ELMO1: variants seen among roughly 807,000 people sequenced by gnomAD.
ELMO1 encodes the protein engulfment and cell motility 1.
ELMO1 carries 26 observed loss-of-function variants against 98.9 expected under a neutral mutation model. The observed-to-expected ratio is 0.26, with a 90% CI of 0.19 to 0.36. The LOEUF is 0.36. Ranked by LOEUF, ELMO1 falls within the 10% of genes least tolerant of loss-of-function variation. The pLI is 1.00. For missense variants in ELMO1, 627 were observed against 935.2 expected (o/e 0.67, Z 4.30); for synonymous variants, 346 against 346.0 (o/e 1.00, Z 0.00).
At chr7:36,960,492 A>C (rs1297505042) in intron 16 of ELMO1, among the ~76,000 whole-genome samples, 1 of 152,044 alleles carries the variant, frequency 6.6e-6, no homozygotes, top group African/African-American at 2.4e-5. Flanking sequence ...CTGTTTCTGA[A>C]ATGCTCTTCC....
intron 1 of ELMO1, among the ~76,000 whole-genome samples, chr7:37,374,067 C>A (rs1057250097): frequency 6.6e-6 from 1 of 152,198 alleles, no homozygotes; most frequent in Non-Finnish European, 1.5e-5. Context: ...AGAGAGCTAA[C>A]GTGGCTGTGG....
At chr7:36,972,710 C>A (rs1790076385) in intron 16 of ELMO1, among the ~76,000 whole-genome samples, 1 of 152,178 alleles carries the variant, frequency 6.6e-6, no homozygotes, top group Non-Finnish European at 1.5e-5. Context: ...CTCTGTAAGA[C>A]CCTATCTCCA....
intron 13 of ELMO1, among the ~76,000 whole-genome samples, chr7:37,163,480 C>T (rs1459183816): frequency 3.9e-5 from 6 of 152,056 alleles, no homozygotes; most frequent in Non-Finnish European, 7.4e-5. Flanking sequence ...TCTCCCAATG[C>T]TATCCCTCCC....
At chr7:37,253,502 T>C (rs1277554392) in intron 6 of ELMO1, among the ~76,000 whole-genome samples, 1 of 152,134 alleles carries the variant, frequency 6.6e-6, no homozygotes, top group Admixed American at 6.5e-5. Context: ...CCGCATGTTC[T>C]CACTTGTAAG....
chr7:36,879,821 C>T lies in ELMO1; in HGVS notation c.1715-1704G>A, dbSNP rs530827785. On this transcript the variant is annotated intron_variant, in intron 18 of 21. Transcript: ENST00000310758. Reference sequence around the variant, plus strand: ...AAAATTATGCTATGTATATACCAAACATGGGTCATTTTTCTGGGAGAGCAT... The same window carrying T: ...AAAATTATGCTATGTATATACCAAATATGGGTCATTTTTCTGGGAGAGCAT... Among the ~76,000 whole-genome samples the T allele has an allele frequency of 4.6e-5, 7 of 152,338 alleles. No individual in the cohort carries two copies. The South Asian group carries it at 1.4e-3, about 32-fold the overall frequency.
At chr7:37,099,569 C>T (rs746548036) in intron 14 of ELMO1, among the ~76,000 whole-genome samples, 2 of 152,140 alleles carry the variant, frequency 1.3e-5, no homozygotes, top group Non-Finnish European at 2.9e-5. Flanking sequence ...TATTACCACT[C>T]ATCTTAGAAT....
Position 37,312,199 on chromosome 7 carries a change from A to G in ELMO1, c.192+2651T>C, listed in dbSNP as rs370370545. Among the ~76,000 whole-genome samples, 384 of 152,090 alleles carry G rather than the reference A, an allele frequency of 2.5e-3. 2 individuals carry two copies. The highest frequency in any genetic ancestry group is 6.8e-3 in the Middle Eastern group (2 of 292). On this transcript the variant is annotated intron_variant, in intron 4 of 21. Coordinates refer to ENST00000310758, the MANE Select transcript of ELMO1 (RefSeq NM_014800.11). ...CCTCCACATCCCAGGTTCAAGTGAT[A>G]CTCCTGCCTCAGCCTCCTGAGTGGG...
At chr7:37,272,714 A>C (rs1287316765) in intron 4 of ELMO1, among the ~76,000 whole-genome samples, 1 of 152,130 alleles carries the variant, frequency 6.6e-6, no homozygotes, top group African/African-American at 2.4e-5. Flanking sequence ...GTACCAATAC[A>C]TGCTATAACA....
intron 13 of ELMO1, among the ~76,000 whole-genome samples, chr7:37,135,732 C>T (rs1443231169): frequency 6.6e-6 from 1 of 152,154 alleles, no homozygotes; most frequent in Non-Finnish European, 1.5e-5. Flanking sequence ...AACAGTAGTC[C>T]TTGAGTCTCA....
chr7:36,940,813 A>G (rs1229396407), intron 16 of ELMO1, among the ~76,000 whole-genome samples: 1 of 152,232 alleles, frequency 6.6e-6, no homozygotes, highest in Non-Finnish European at 1.5e-5. Context: ...CTACAACAAG[A>G]GTTTCTTCAT....
At chr7:36,894,553 A>G (rs1327278207) in intron 17 of ELMO1, among the ~76,000 whole-genome samples, 2 of 152,196 alleles carry the variant, frequency 1.3e-5, no homozygotes, top group African/African-American at 4.8e-5. Flanking sequence ...GAGAAAAAAA[A>G]TTGTTCCAAG....
At chr7:37,284,417 A>G (rs1171780789) in intron 4 of ELMO1, among the ~76,000 whole-genome samples, 1 of 152,192 alleles carries the variant, frequency 6.6e-6, no homozygotes, top group Non-Finnish European at 1.5e-5. Flanking sequence ...CAGAAGACTG[A>G]GCGAGGTGAG....
chr7:36,963,846 T>A (rs1357864565), intron 16 of ELMO1, among the ~76,000 whole-genome samples: 1 of 152,158 alleles, frequency 6.6e-6, no homozygotes, highest in African/African-American at 2.4e-5. Flanking sequence ...GTGTGTTAAG[T>A]CCTTGATTAC....
intron 15 of ELMO1, among the ~76,000 whole-genome samples, chr7:37,017,289 C>G (rs561171600): frequency 6.6e-6 from 1 of 151,924 alleles, no homozygotes; most frequent in Non-Finnish European, 1.5e-5. Flanking sequence ...GCTTCTCTAA[C>G]GTATCAAGGT....
At chr7:37,256,754 A>C (rs1795685540) in intron 6 of ELMO1, among the ~76,000 whole-genome samples, 1 of 83,902 alleles carries the variant, frequency 1.2e-5, no homozygotes, top group East Asian at 3.9e-4. Context: ...AGGGAAGGGA[A>C]GGGAAGGGAG....
At chr7:37,423,826 C>A (rs534587288) in intron 1 of ELMO1, among the ~76,000 whole-genome samples, 1 of 152,266 alleles carries the variant, frequency 6.6e-6, no homozygotes, top group South Asian at 2.1e-4. Context: ...CGATTCATTA[C>A]CCTTTCTCTT....
intron 14 of ELMO1, among the ~76,000 whole-genome samples, chr7:37,110,757 C>G (rs1436680599): frequency 6.6e-6 from 1 of 152,128 alleles, no homozygotes; most frequent in Non-Finnish European, 1.5e-5. Flanking sequence ...ATGGGGCCCC[C>G]CAGACTTTCC....
At chr7:37,189,710 CATA>C (rs1791456233) in intron 13 of ELMO1, among the ~76,000 whole-genome samples, 1 of 152,074 alleles carries the variant, frequency 6.6e-6, no homozygotes, top group African/African-American at 2.4e-5. Flanking sequence ...GGGAATCTTG[CATA>C]ATAAGTTGTT....
intron 2 of ELMO1, among the ~76,000 whole-genome samples, chr7:37,338,787 G>A (rs1330622907): frequency 6.6e-6 from 1 of 152,228 alleles, no homozygotes; most frequent in Admixed American, 6.5e-5. Flanking sequence ...AATACATTGT[G>A]AAGGCGAGAG....
Sources: allele counts gnomAD v4.1 joint callset (sites outside exome capture counted in the v4.1 genomes callset), GRCh38; gene constraint gnomAD v4.1.1; transcripts MANE v1.5; gene names NCBI Gene and HGNC (gene_info 2026-07-23, HGNC 2026-07-21).